Variants in SLC39A9 observed in about 807,000 individuals in gnomAD.
SLC39A9 encodes zinc transporter ZIP9.
Under a neutral mutation model 28.4 loss-of-function variants are expected in SLC39A9, and 14 were observed. The ratio of observed to expected loss-of-function variants is 0.49; its 90% confidence interval spans 0.33 to 0.77. SLC39A9 has a LOEUF of 0.77. Ranked by LOEUF, SLC39A9 falls within the 30% of genes least tolerant of loss-of-function variation. The pLI is 0.02. For synonymous variants in SLC39A9, 119 were observed against 149.6 expected (o/e 0.80, Z 1.49); for missense variants, 283 against 381.1 (o/e 0.74, Z 2.14).
intron 1 of SLC39A9, among the ~76,000 whole-genome samples, chr14:69,405,841 A>G: frequency 6.6e-6 from 1 of 152,334 alleles, no homozygotes; most frequent in Non-Finnish European, 1.5e-5. Flanking sequence ...GCATAATAAT[A>G]TTAATAATGT....
At chr14:69,406,998 G>A (rs983304205) in intron 1 of SLC39A9, among the ~76,000 whole-genome samples, 5 of 150,936 alleles carry the variant, frequency 3.3e-5, no homozygotes, top group East Asian at 2.0e-4. Context: ...TTACAGGTGC[G>A]TGCCACCATA....
At position 69,443,216 on chromosome 14, in the gene SLC39A9, A is replaced by G. The variant is rs1348411885; in HGVS notation, c.403+950A>G. On this transcript the variant is annotated intron_variant, in intron 3 of 6. Coordinates refer to ENST00000336643, the MANE Select transcript of SLC39A9 (RefSeq NM_018375.5). ...CTTCTCCAGGGATTGATGTGTAGACATATTTTTTCAGATATGTCAGCAGGG... is the reference window on the plus strand; with the variant it reads ...CTTCTCCAGGGATTGATGTGTAGACGTATTTTTTCAGATATGTCAGCAGGG... Among the ~76,000 whole-genome samples the G allele has an allele frequency of 3.9e-5, 6 of 152,248 alleles. 1 individual carries two copies. The South Asian group carries it at 8.3e-4, about 21-fold the overall frequency.
At chr14:69,445,081 A>G in intron 3 of SLC39A9, among the ~76,000 whole-genome samples, 1 of 152,170 alleles carries the variant, frequency 6.6e-6, no homozygotes, top group Non-Finnish European at 1.5e-5. Flanking sequence ...TGTAATGATC[A>G]TCTAGCATAT....
At chr14:69,438,867 A>G (rs868162088) in intron 2 of SLC39A9, among the ~76,000 whole-genome samples, 13 of 152,338 alleles carry the variant, frequency 8.5e-5, no homozygotes, top group Middle Eastern at 3.4e-3. Context: ...TTATAGAGGT[A>G]TGATTAACTG....
At chr14:69,437,867 C>G (rs1216865620) in intron 2 of SLC39A9, among the ~76,000 whole-genome samples, 1 of 151,442 alleles carries the variant, frequency 6.6e-6, no homozygotes, top group Non-Finnish European at 1.5e-5. Context: ...AAGAGTAACT[C>G]AAAAAAATCT....
At chr14:69,421,976 C>T (rs1442710218) in intron 1 of SLC39A9, among the ~76,000 whole-genome samples, 1 of 152,144 alleles carries the variant, frequency 6.6e-6, no homozygotes, top group East Asian at 1.9e-4. Context: ...GAGGTGTCAC[C>T]CCGCCCTGCT....
chr14:69,454,760 T>G, intron 4 of SLC39A9, 52 bp from the exon 5 acceptor site: 3 of 1,434,414 alleles, frequency 2.1e-6, no homozygotes, highest in Non-Finnish European at 2.9e-6. Flanking sequence ...CACTACACTG[T>G]TATTGTTGTT....
chr14:69,456,558 T>C (rs1413826108), intron 6 of SLC39A9, among the ~76,000 whole-genome samples: 1 of 152,184 alleles, frequency 6.6e-6, no homozygotes, highest in Non-Finnish European at 1.5e-5. Flanking sequence ...TGAACATAGC[T>C]TCAGACCTGA....
chr14:69,417,951 C>T (rs1883666568), intron 1 of SLC39A9, among the ~76,000 whole-genome samples: 1 of 152,060 alleles, frequency 6.6e-6, no homozygotes, highest in Admixed American at 6.6e-5. Context: ...TAATTGAATA[C>T]CCTTTATTTC....
rs138298938 is a variant in SLC39A9, at chr14:69,407,503, A to G, written c.96+8038A>G. On this transcript the variant is annotated intron_variant, in intron 1 of 6. Coordinates refer to ENST00000336643, the MANE Select transcript of SLC39A9 (RefSeq NM_018375.5). The stretch of plus-strand genomic sequence containing the variant: ...CAGGCATGCACCACCACGCCCCACT[A>G]ATTTTGTATTTTTAGTTAGAGACAG... Among the ~76,000 whole-genome samples, 185 of 151,156 alleles carry G rather than the reference A, an allele frequency of 1.2e-3. 1 individual carries two copies. The highest frequency in any genetic ancestry group is 2.1e-3 in the Non-Finnish European group (142 of 67,874).
At chr14:69,433,329 T>C (rs1296809804) in intron 2 of SLC39A9, among the ~76,000 whole-genome samples, 1 of 152,186 alleles carries the variant, frequency 6.6e-6, no homozygotes, top group Admixed American at 6.6e-5. Flanking sequence ...TGCTGCTGGA[T>C]TCAATTTACT....
chr14:69,399,515 T>C (rs1351353902), intron 1 of SLC39A9, 50 bp downstream of exon 1: 2 of 1,471,404 alleles, frequency 1.4e-6, no homozygotes, highest in Non-Finnish European at 1.9e-6. Flanking sequence ...TGTGAGATAG[T>C]AGTTTTAGTT....
Position 69,399,186 on chromosome 14 carries a change from G to A in SLC39A9, c.-184G>A, listed in dbSNP as rs1882481108. 3 of 602,594 alleles carry A rather than the reference G, an allele frequency of 5.0e-6. No individual in the cohort carries two copies. Among genetic ancestry groups the A allele is most frequent in the African/African-American group, 1.9e-5 (1 of 51,948 alleles). The allele number at this position is 602,594 out of a possible 1,614,324, so 37.3% of individuals were successfully genotyped here. A position where few individuals can be genotyped will look rare whatever the true frequency, so the allele number is the denominator to read the frequency against. On this transcript the variant is annotated 5_prime_UTR_variant, in exon 1 of 7. Transcript: ENST00000336643. ...TCTCTGGTGCTAATATCAGCAAAAA[G>A]GGTCTGTTGCCGGGTACGTTCAAGA...
intron 2 of SLC39A9, among the ~76,000 whole-genome samples, chr14:69,426,218 C>G (rs1884181033): frequency 6.6e-6 from 1 of 152,098 alleles, no homozygotes; most frequent in African/African-American, 2.4e-5. Flanking sequence ...GGCTCAGTCC[C>G]CAAGACTGCT....
chr14:69,450,166 G>A (rs1885536693), intron 3 of SLC39A9, among the ~76,000 whole-genome samples: 1 of 151,888 alleles, frequency 6.6e-6, no homozygotes, highest in East Asian at 1.9e-4. Context: ...TCCAGCCCGG[G>A]TGACCATGCA....
chr14:69,404,535 G>T (rs1242452405), intron 1 of SLC39A9, among the ~76,000 whole-genome samples: 5 of 152,122 alleles, frequency 3.3e-5, no homozygotes, highest in African/African-American at 1.2e-4. Context: ...AACTTGTAAA[G>T]ATTTTCATTT....
rs756264951 is a variant in SLC39A9 at position 69,461,185 on chromosome 14, C to G, written c.*2592C>G. 137 of 987,372 alleles carry G rather than the reference C, an allele frequency of 1.4e-4. No homozygotes were observed. The highest frequency in any genetic ancestry group is 1.9e-4 in the South Asian group (4 of 21,414). 61.2% of individuals were successfully genotyped at this position (987,372 alleles called of 1,614,324 possible). On this transcript the variant is annotated 3_prime_UTR_variant, in exon 7 of 7. Transcript: ENST00000336643. ...GCAATTGATGATGAGAAGCATGATT[C>G]TTGCTTCCATATAACCAAAGTTAAT...
At chr14:69,454,483 T>G (rs568377161) in intron 4 of SLC39A9, among the ~76,000 whole-genome samples, 1 of 152,356 alleles carries the variant, frequency 6.6e-6, no homozygotes, top group South Asian at 2.1e-4. Flanking sequence ...TTGTTAGAAT[T>G]TGATTAACTA....
chr14:69,440,609 G>C (rs1337965586), intron 2 of SLC39A9, among the ~76,000 whole-genome samples: 2 of 152,184 alleles, frequency 1.3e-5, no homozygotes, highest in Non-Finnish European at 1.5e-5. Flanking sequence ...GAGAGAGACA[G>C]AGAAAGAAAC....
Sources: allele counts gnomAD v4.1 joint callset (sites outside exome capture counted in the v4.1 genomes callset), GRCh38; gene constraint gnomAD v4.1.1; transcripts MANE v1.5; gene names NCBI Gene and HGNC (gene_info 2026-07-23, HGNC 2026-07-21).